The following AP4S1 variants were observed in gnomAD, a reference collection of about 807,000 sequenced individuals.
The protein encoded by AP4S1 is adaptor related protein complex 4 subunit sigma 1.
Under a neutral mutation model 19.8 loss-of-function variants are expected in AP4S1, and 23 were observed. The observed-to-expected ratio is 1.16, with a 90% CI of 0.84 to 1.65. The LOEUF (loss-of-function observed/expected upper bound fraction) is 1.65. Ranked by LOEUF, AP4S1 falls within the 40% of genes most tolerant of loss-of-function variation. The pLI, the probability that AP4S1 is intolerant of heterozygous loss-of-function variation, is 0.00. For synonymous variants in AP4S1, 46 were observed against 54.1 expected (o/e 0.85, Z 0.66); for missense variants, 166 against 172.8 (o/e 0.96, Z 0.22).
At position 31,067,437 on chromosome 14, in the gene AP4S1, C is replaced by A. The variant is rs376063856; in HGVS notation, c.138+1103C>A. On this transcript the variant is annotated intron_variant, in intron 2 of 5. Coordinates refer to ENST00000542754, the MANE Select transcript of AP4S1 (RefSeq NM_001128126.3). ...TCCCTTCCCCCTCCCCCCACCCTAC[C>A]ACAGGCCCCGGTTTGTGATGTCCCC... Among the ~76,000 whole-genome samples the A allele has an allele frequency of 2.0e-4, 26 of 127,506 alleles. No homozygotes were observed. The Admixed American group carries it at 2.1e-3, about 10-fold the overall frequency. The allele number at this position is 127,506 out of a possible 152,430, so 83.6% of individuals were successfully genotyped here. A position where few individuals can be genotyped will look rare whatever the true frequency, so the allele number is the denominator to read the frequency against.
In AP4S1 at chr14:31,096,281, C is replaced by A. The variant is rs1317174340; in HGVS notation, c.*3246C>A. 1 of 151,914 alleles carries A rather than the reference C, an allele frequency of 6.6e-6. No individual in the cohort carries two copies. Among genetic ancestry groups the A allele is most frequent in the African/African-American group, 2.4e-5 (1 of 41,310 alleles). 9.4% of individuals were successfully genotyped at this position (151,914 alleles called of 1,614,324 possible). ...AAACCTTTCTATATGCTTTTGCTAC[C>A]CCGTTAACAGAAGAATATACAGAAC... is the stretch of plus-strand genomic sequence containing the variant. On this transcript the variant is annotated 3_prime_UTR_variant, in exon 6 of 6. Transcript: ENST00000542754.
chr14:31,072,766 A>G lies in AP4S1; in HGVS notation c.226-139A>G, dbSNP rs1308009020. On this transcript the variant is annotated intron_variant, in intron 3 of 5. Transcript: ENST00000542754. ...GATAGAACTGTTCTGAATATTTGTC[A>G]GTGGGAGGCTACTTTCCTCACATTA... The G allele has an allele frequency of 4.3e-6, 3 of 694,526 alleles. No homozygotes were observed. The African/African-American group carries it at 5.3e-5, about 12-fold the overall frequency. 43.0% of individuals were successfully genotyped at this position (694,526 alleles called of 1,614,324 possible).
At chr14:31,049,474 TAC>T (rs1165169644) in intron 1 of AP4S1, among the ~76,000 whole-genome samples, 1,989 of 57,204 alleles carry the variant, frequency 0.035, 109 homozygotes, top group African/African-American at 0.1. Flanking sequence ...TATATATATG[TAC>T]ACACACACAC....
intron 2 of AP4S1, among the ~76,000 whole-genome samples, chr14:31,066,681 G>A (rs1427239103): frequency 6.6e-6 from 1 of 152,160 alleles, no homozygotes; most frequent in East Asian, 1.9e-4. Flanking sequence ...ATGAGTGCCT[G>A]TATCAGGTAG....
chr14:31,044,925 TAG>T (rs1316507422), intron 1 of AP4S1, among the ~76,000 whole-genome samples: 2 of 151,510 alleles, frequency 1.3e-5, no homozygotes, highest in African/African-American at 4.9e-5. Context: ...TTTTTTGAGA[TAG>T]AGTCTCGCTC....
intron 1 of AP4S1, among the ~76,000 whole-genome samples, chr14:31,053,589 C>CTTTTTTTTT (rs758966011): frequency 5.3e-4 from 38 of 71,116 alleles, no homozygotes; most frequent in South Asian, 1.4e-3. Context: ...TGACTTTTTT[C>CTTTTTTTTT]TTTTTTTTTT....
chr14:31,073,491 GAAA>G (rs1328162460), intron 4 of AP4S1, among the ~76,000 whole-genome samples: 1 of 140,982 alleles, frequency 7.1e-6, no homozygotes. Context: ...CTCCGTCTCA[GAAA>G]AAAAAAAAAC....
chr14:31,069,492 C>G (rs1448849751), intron 2 of AP4S1, among the ~76,000 whole-genome samples: 1 of 152,090 alleles, frequency 6.6e-6, no homozygotes, highest in Non-Finnish European at 1.5e-5. Flanking sequence ...AGAAGAAAAT[C>G]TTTATCGTGT....
chr14:31,037,985 G>A (rs1243440073), intron 1 of AP4S1, among the ~76,000 whole-genome samples: 1 of 152,186 alleles, frequency 6.6e-6, no homozygotes, highest in Non-Finnish European at 1.5e-5. Flanking sequence ...TATTTAGCAA[G>A]AGCTGTAACA....
intron 5 of AP4S1, 67 bp downstream of exon 5, chr14:31,080,651 AC>A: frequency 1.2e-6 from 2 of 1,609,414 alleles, no homozygotes; most frequent in Non-Finnish European, 1.7e-6. Flanking sequence ...TCAGGTAAGT[AC>A]CACAAGGCAG....
intron 1 of AP4S1, among the ~76,000 whole-genome samples, chr14:31,058,670 C>G (rs908306622): frequency 1.3e-5 from 2 of 151,746 alleles, no homozygotes; most frequent in African/African-American, 4.8e-5. Context: ...TGGGCACAAG[C>G]AGTCCTCCCA....
intron 1 of AP4S1, among the ~76,000 whole-genome samples, chr14:31,049,428 A>AAAATATATATATATAT (rs1384450221): frequency 5.2e-5 from 3 of 57,740 alleles, no homozygotes; most frequent in Non-Finnish European, 8.7e-5. Flanking sequence ...AAAAAAAAAA[A>AAAATATATATATATAT]ATATATATAT....
In AP4S1 at chr14:31,092,955, T is replaced by A; in HGVS notation, c.355T>A (p.Leu119Ile). The part of the protein sequence containing the change: ...KVHIILDEMV[L>I]NGCIVETNRA... ...ACACATCATTTTGGATGAGATGGTG[T>A]TAAATGGCTGCATTGTGGAAACTAA... Residue 119 changes from leucine to isoleucine, a missense_variant, in exon 6 of 6, where the codon TTA (leucine) becomes ATA (isoleucine). By Grantham distance (5) the Leu-to-Ile change is conservative. Coordinates refer to ENST00000542754, the MANE Select transcript of AP4S1 (RefSeq NM_001128126.3). 6.5e-7 allele frequency: 1 copy of A among 1,547,998 alleles called. No individual in the cohort carries two copies. The highest frequency in any genetic ancestry group is 8.7e-7 in the Non-Finnish European group (1 of 1,145,234).
chr14:31,042,872 C>A (rs1003865921), intron 1 of AP4S1, among the ~76,000 whole-genome samples: 1 of 152,006 alleles, frequency 6.6e-6, no homozygotes, highest in African/African-American at 2.4e-5. Flanking sequence ...GTCAGTTTAC[C>A]AAAATGGCTT....
Position 31,057,782 on chromosome 14 carries a change from C to T in AP4S1, c.-71-8344C>T, listed in dbSNP as rs181838528. Among the ~76,000 whole-genome samples, 28 of 152,096 alleles carry T rather than the reference C, an allele frequency of 1.8e-4. 1 individual carries two copies. In the South Asian group the frequency reaches 4.8e-3, roughly 26 times the overall value. ...CTATGATTACAGGCACCCGACAACA[C>T]GCCTGGCTAATTTTTTTGTATTTTT... On this transcript the variant is annotated intron_variant, in intron 1 of 5. Coordinates refer to ENST00000542754, the MANE Select transcript of AP4S1 (RefSeq NM_001128126.3).
intron 1 of AP4S1, among the ~76,000 whole-genome samples, chr14:31,039,692 G>A (rs965448447): frequency 1.3e-5 from 2 of 150,786 alleles, no homozygotes; most frequent in Non-Finnish European, 2.9e-5. Flanking sequence ...CCGGGTTCAC[G>A]CCATTCTCCT....
intron 5 of AP4S1, chr14:31,085,190 A>G (rs1887866523): frequency 8.8e-7 from 1 of 1,130,892 alleles, no homozygotes; most frequent in South Asian, 2.8e-5. Flanking sequence ...CTCACTATCT[A>G]CTGCTTGACC....
chr14:31,045,237 A>G (rs1393350668), intron 1 of AP4S1, among the ~76,000 whole-genome samples: 1 of 152,106 alleles, frequency 6.6e-6, no homozygotes, highest in African/African-American at 2.4e-5. Flanking sequence ...CTTTAGGTAT[A>G]ATGTATATAC....
Position 31,072,896 on chromosome 14 carries a change from T to C in AP4S1, c.226-9T>C. ...TAAAATTGATTGTACCTTTCTTCTTTTATTGTAGAACGAGATGGCTATTTA... is the reference window on the plus strand; with the variant it reads ...TAAAATTGATTGTACCTTTCTTCTTCTATTGTAGAACGAGATGGCTATTTA... On this transcript the variant is annotated splice_polypyrimidine_tract_variant and intron_variant, in intron 3 of 5. Transcript: ENST00000542754. The C allele has an allele frequency of 6.2e-7, 1 of 1,609,694 alleles. No individual in the cohort carries two copies. The highest frequency in any genetic ancestry group is 1.3e-5 in the African/African-American group (1 of 74,946).
Sources: allele counts gnomAD v4.1 joint callset (sites outside exome capture counted in the v4.1 genomes callset), GRCh38; gene constraint gnomAD v4.1.1; transcripts MANE v1.5; gene names NCBI Gene and HGNC (gene_info 2026-07-23, HGNC 2026-07-21).